Variants in ADGRL3 observed in about 807,000 individuals in gnomAD.
ADGRL3 encodes calcium-independent alpha-latrotoxin receptor 3.
A neutral mutation model predicts 153.5 loss-of-function variants in ADGRL3; 62 were observed. The ratio of observed to expected loss-of-function variants is 0.40; its 90% confidence interval spans 0.33 to 0.50. The LOEUF is 0.50. Among genes scored for constraint, ADGRL3 ranks in the 20% least tolerant of loss-of-function variants. The pLI, the probability that ADGRL3 is intolerant of heterozygous loss-of-function variation, is 0.47. For synonymous variants in ADGRL3, 710 were observed against 672.5 expected, an observed-to-expected ratio of 1.06 and a Z score of -0.86; for missense variants, 1,641 against 1,859.4, an observed-to-expected ratio of 0.88 and a Z score of 2.16.
At chr4:61,443,197 A>G (rs1343331468) in intron 2 of ADGRL3, among the ~76,000 whole-genome samples, 1 of 152,190 alleles carries the variant, frequency 6.6e-6, no homozygotes, top group Admixed American at 6.5e-5. Context: ...GTTTACCAGC[A>G]ACTGAAGTAA....
At chr4:61,550,112 A>G (rs2098733400) in intron 4 of ADGRL3, among the ~76,000 whole-genome samples, 1 of 151,986 alleles carries the variant, frequency 6.6e-6, no homozygotes, top group African/African-American at 2.4e-5. Context: ...GCACAAGGAG[A>G]GATAAAATTC....
intron 21 of ADGRL3, among the ~76,000 whole-genome samples, chr4:62,017,506 C>G (rs1045421259): frequency 1.3e-5 from 2 of 150,618 alleles, no homozygotes; most frequent in African/African-American, 4.9e-5. Flanking sequence ...TCTTTACTGT[C>G]TGGAATAAAT....
intron 8 of ADGRL3, among the ~76,000 whole-genome samples, chr4:61,767,192 G>A (rs977663332): frequency 3.3e-5 from 5 of 151,976 alleles, no homozygotes; most frequent in Non-Finnish European, 5.9e-5. Flanking sequence ...CTTTGGATTG[G>A]GAAGAAGAGC....
At chr4:62,015,375 A>T (rs1238885201) in intron 21 of ADGRL3, among the ~76,000 whole-genome samples, 1 of 152,210 alleles carries the variant, frequency 6.6e-6, no homozygotes, top group Non-Finnish European at 1.5e-5. Context: ...TCCGCAACTG[A>T]GATTGACAGT....
chr4:61,516,572 A>G (rs1471141325), intron 3 of ADGRL3, among the ~76,000 whole-genome samples: 1 of 152,118 alleles, frequency 6.6e-6, no homozygotes. Flanking sequence ...TTTCTGAATT[A>G]TTTTTAAAAA....
chr4:61,501,627 G>A (rs2098387965), intron 3 of ADGRL3, among the ~76,000 whole-genome samples: 1 of 152,016 alleles, frequency 6.6e-6, no homozygotes, highest in Non-Finnish European at 1.5e-5. Flanking sequence ...CACTATGTAG[G>A]AATGTTTAAA....
chr4:61,304,101 C>T (rs1455847200), intron 1 of ADGRL3, among the ~76,000 whole-genome samples: 2 of 152,168 alleles, frequency 1.3e-5, no homozygotes, highest in Non-Finnish European at 2.9e-5. Flanking sequence ...TACAGTGTTG[C>T]TTGTGTAGCA....
intron 8 of ADGRL3, among the ~76,000 whole-genome samples, chr4:61,765,556 T>C (rs1167450137): frequency 2.6e-5 from 4 of 152,058 alleles, no homozygotes; most frequent in Admixed American, 1.3e-4. Flanking sequence ...CCTGAAAAAC[T>C]GCTTGGCTGA....
intron 8 of ADGRL3, among the ~76,000 whole-genome samples, chr4:61,783,380 G>C (rs1263048013): frequency 1.3e-5 from 2 of 151,872 alleles, no homozygotes; most frequent in East Asian, 3.9e-4. Context: ...TATTTTTAAT[G>C]AAAAAAGGGT....
intron 4 of ADGRL3, among the ~76,000 whole-genome samples, chr4:61,572,614 T>C (rs1337140898): frequency 1.3e-5 from 2 of 152,092 alleles, no homozygotes; most frequent in African/African-American, 4.8e-5. Context: ...CATTTCCTAA[T>C]CCTTAGAAAT....
intron 8 of ADGRL3, among the ~76,000 whole-genome samples, chr4:61,785,878 G>A (rs1396042862): frequency 6.6e-6 from 1 of 152,098 alleles, no homozygotes; most frequent in African/African-American, 2.4e-5. Flanking sequence ...TGGAGCTTTT[G>A]GAATGGTATT....
chr4:61,965,048 C>G (rs758619198), intron 17 of ADGRL3, among the ~76,000 whole-genome samples: 1 of 151,960 alleles, frequency 6.6e-6, no homozygotes, highest in Non-Finnish European at 1.5e-5. Flanking sequence ...TCACTCAGGC[C>G]GGAGTGCAGT....
chr4:62,058,769 A>G (rs1388364809), intron 25 of ADGRL3, among the ~76,000 whole-genome samples: 1 of 152,170 alleles, frequency 6.6e-6, no homozygotes, highest in Non-Finnish European at 1.5e-5. Flanking sequence ...CGCAGCTATT[A>G]GAAGGGAAGT....
intron 8 of ADGRL3, among the ~76,000 whole-genome samples, chr4:61,812,209 T>C (rs2097636102): frequency 2.0e-5 from 3 of 152,198 alleles, no homozygotes; most frequent in Non-Finnish European, 4.4e-5. Flanking sequence ...CTTTTTATAA[T>C]AATGTTTTTA....
chr4:61,304,238 C>T (rs17828318), intron 1 of ADGRL3, among the ~76,000 whole-genome samples: 3,877 of 152,266 alleles, frequency 0.025, 76 homozygotes, highest in Non-Finnish European at 0.042. Context: ...ATCTTTGTTT[C>T]TCATTTTGTA....
intron 5 of ADGRL3, among the ~76,000 whole-genome samples, chr4:61,660,783 C>T (rs779340607): frequency 1.4e-4 from 22 of 152,022 alleles, no homozygotes; most frequent in Non-Finnish European, 2.8e-4. Context: ...CCACATTAAA[C>T]CCAATTGATC....
chr4:61,390,110 T>C (rs62305272), intron 2 of ADGRL3, among the ~76,000 whole-genome samples: 30,951 of 152,190 alleles, frequency 0.2, 3,787 homozygotes, highest in Non-Finnish European at 0.27. Flanking sequence ...AAAACTTATG[T>C]TAAATTTTAA....
chr4:61,451,767 A>G (rs1314097107), intron 2 of ADGRL3, among the ~76,000 whole-genome samples: 2 of 152,280 alleles, frequency 1.3e-5, no homozygotes, highest in South Asian at 4.1e-4. Context: ...ACTTCATTTC[A>G]TAACCTAGTT....
At chr4:61,591,803 G>T (rs1459903119) in intron 5 of ADGRL3, among the ~76,000 whole-genome samples, 1 of 151,964 alleles carries the variant, frequency 6.6e-6, no homozygotes, top group Non-Finnish European at 1.5e-5. Flanking sequence ...AAGGCCAGGT[G>T]CTGTGGCTCA....
Sources: allele counts gnomAD v4.1 joint callset (sites outside exome capture counted in the v4.1 genomes callset), GRCh38; gene constraint gnomAD v4.1.1; transcripts MANE v1.5; gene names NCBI Gene and HGNC (gene_info 2026-07-23, HGNC 2026-07-21).